LOXL2: variants seen among roughly 807,000 people sequenced by gnomAD.
LOXL2 encodes the protein lysyl oxidase like 2.
A neutral mutation model predicts 93.0 loss-of-function variants in LOXL2; 70 were observed. The ratio of observed to expected loss-of-function variants is 0.75; its 90% CI spans 0.62 to 0.92. The LOEUF is 0.92. Among genes scored for constraint, LOXL2 ranks in the 40% least tolerant of loss-of-function variants. LOXL2 has a pLI of 0.00. For missense variants in LOXL2, 973 were observed against 1,054.9 expected (o/e 0.92, Z 1.08); for synonymous variants, 438 against 413.2 (o/e 1.06, Z -0.73).
At chr8:23,348,543 G>C (rs1261399469) in intron 3 of LOXL2, among the ~76,000 whole-genome samples, 1 of 152,108 alleles carries the variant, frequency 6.6e-6, no homozygotes, top group Non-Finnish European at 1.5e-5. Flanking sequence ...ACTCCAGCCT[G>C]GGTGACAGAG....
At chr8:23,357,594 G>A (rs1468046402) in intron 3 of LOXL2, among the ~76,000 whole-genome samples, 1 of 150,540 alleles carries the variant, frequency 6.6e-6, no homozygotes, top group African/African-American at 2.4e-5. Flanking sequence ...TGGCAGATGA[G>A]CCTTCTCATC....
At chr8:23,400,132 C>T (rs549884681) in intron 1 of LOXL2, among the ~76,000 whole-genome samples, 1 of 152,320 alleles carries the variant, frequency 6.6e-6, no homozygotes, top group East Asian at 1.9e-4. Context: ...GAAATTTCTT[C>T]TTCGCTCCAT....
Position 23,301,454 on chromosome 8 carries a change from C to T in LOXL2, c.2133+573G>A, listed in dbSNP as rs147669930. Among the ~76,000 whole-genome samples the T allele has an allele frequency of 2.5e-3, 374 of 152,300 alleles. 1 individual carries two copies. The highest frequency in any genetic ancestry group is 0.01 in the Middle Eastern group (3 of 294). On this transcript the variant is annotated intron_variant, in intron 12 of 13. Transcript: ENST00000389131. ...GCAACCCCTCTGACAAAGAAGTCAC[C>T]TGGCCAGGCTGTGTCTCGTGTTCAG...
chr8:23,392,583 G>C (rs1804861543), intron 1 of LOXL2, among the ~76,000 whole-genome samples: 1 of 152,166 alleles, frequency 6.6e-6, no homozygotes, highest in African/African-American at 2.4e-5. Context: ...TCTCCAGACT[G>C]GCATGGCTCC....
chr8:23,352,537 C>T (rs1804111331), intron 3 of LOXL2, among the ~76,000 whole-genome samples: 2 of 152,130 alleles, frequency 1.3e-5, no homozygotes, highest in African/African-American at 4.8e-5. Flanking sequence ...CCCTTTTAGG[C>T]TGAAGCCCTC....
chr8:23,300,870 C>T (rs2117137172), intron 12 of LOXL2, among the ~76,000 whole-genome samples: 1 of 152,306 alleles, frequency 6.6e-6, no homozygotes, highest in South Asian at 2.1e-4. Context: ...AAACAGAAAC[C>T]ACCAGGCACT....
At chr8:23,344,333 C>T (rs73224460) in intron 3 of LOXL2, among the ~76,000 whole-genome samples, 26,035 of 151,836 alleles carry the variant, frequency 0.17, 2,379 homozygotes, top group South Asian at 0.24. Context: ...TCACTGCATA[C>T]GTGTTTATGC....
intron 1 of LOXL2, among the ~76,000 whole-genome samples, chr8:23,392,574 C>T (rs987328263): frequency 2.6e-5 from 4 of 152,198 alleles, no homozygotes; most frequent in African/African-American, 9.7e-5. Flanking sequence ...CTTACTCCAT[C>T]TCCAGACTGG....
In LOXL2 at chr8:23,368,237, GC is replaced by G; in HGVS notation, c.114del (p.Gln38HisfsTer86). The G allele has an allele frequency of 6.2e-7, 1 of 1,613,990 alleles. No homozygotes were observed. The highest frequency in any genetic ancestry group is 1.1e-5 in the South Asian group (1 of 91,086). On this transcript the variant is annotated frameshift_variant, in exon 2 of 14. Transcript: ENST00000389131. LOFTEE classifies it high-confidence loss of function. ...DSWPHYPEYF[Q>X]QPAPEYHQPQ... Reference sequence around the variant, plus strand: ...GGCTGGTGATACTCAGGAGCCGGTTGCTGGAAGTACTCGGGGTAATGGGGCC... The same window carrying G: ...GGCTGGTGATACTCAGGAGCCGGTTGTGGAAGTACTCGGGGTAATGGGGCC...
intron 3 of LOXL2, among the ~76,000 whole-genome samples, chr8:23,346,657 G>C (rs1803993589): frequency 1.3e-5 from 2 of 152,208 alleles, no homozygotes; most frequent in Admixed American, 6.5e-5. Flanking sequence ...GCTGGAAGTT[G>C]CATCAGGGAA....
intron 3 of LOXL2, among the ~76,000 whole-genome samples, chr8:23,349,461 C>T (rs1434407351): frequency 5.3e-5 from 8 of 152,114 alleles, no homozygotes; most frequent in Non-Finnish European, 1.2e-4. Context: ...CTGTGTGAGA[C>T]CCTAAAAGGA....
intron 2 of LOXL2, chr8:23,364,370 T>C (rs934776243): frequency 1.3e-5 from 2 of 152,220 alleles, no homozygotes; most frequent in Non-Finnish European, 2.9e-5. Context: ...AAGAAAGCCA[T>C]TCAATCAGAA....
At chr8:23,385,116 T>C (rs1804739349) in intron 1 of LOXL2, among the ~76,000 whole-genome samples, 1 of 150,728 alleles carries the variant, frequency 6.6e-6, no homozygotes, top group African/African-American at 2.4e-5. Flanking sequence ...TTTATGTATT[T>C]ATTTACCACT....
At chr8:23,384,117 T>C (rs1804722069) in intron 1 of LOXL2, among the ~76,000 whole-genome samples, 2 of 152,210 alleles carry the variant, frequency 1.3e-5, no homozygotes, top group Admixed American at 6.5e-5. Flanking sequence ...GTAAAGGCAG[T>C]AGGCAAATGT....
chr8:23,378,634 C>T (rs946782570), intron 1 of LOXL2, among the ~76,000 whole-genome samples: 6 of 152,168 alleles, frequency 3.9e-5, no homozygotes, highest in South Asian at 2.1e-4. Context: ...AGGCTTTGTT[C>T]GTTTCTTTTT....
chr8:23,333,072 G>T (rs181511360), intron 5 of LOXL2, among the ~76,000 whole-genome samples: 11 of 152,274 alleles, frequency 7.2e-5, no homozygotes, highest in African/African-American at 2.4e-4. Context: ...CTGACTGCAT[G>T]TGCTTTTCAG....
intron 4 of LOXL2, among the ~76,000 whole-genome samples, chr8:23,338,657 G>C (rs2117178497): frequency 6.6e-6 from 1 of 152,366 alleles, no homozygotes; most frequent in East Asian, 1.9e-4. Flanking sequence ...TGTAGGAAGA[G>C]GGAAAGGGAC....
intron 6 of LOXL2, among the ~76,000 whole-genome samples, chr8:23,322,984 G>A (rs1032118185): frequency 3.0e-4 from 46 of 152,220 alleles, no homozygotes; most frequent in African/African-American, 1.1e-3. Context: ...AGGTGCTCTG[G>A]GGCTTAAAGG....
In LOXL2 at chr8:23,309,278, A is replaced by C. The variant is rs1363436213; in HGVS notation, c.1880+390T>G. The stretch of plus-strand genomic sequence containing the variant: ...GATTACAGGCGTGAGCCACCGCGCC[A>C]GGCTGGGAATATTTCTAAAGGAATT... On this transcript the variant is annotated intron_variant, in intron 10 of 13. Coordinates refer to ENST00000389131, the MANE Select transcript of LOXL2 (RefSeq NM_002318.3). Among the ~76,000 whole-genome samples the C allele has an allele frequency of 3.3e-5, 5 of 152,270 alleles. No homozygotes were observed. In the South Asian group the frequency reaches 6.2e-4, roughly 19 times the overall value.
Sources: allele counts gnomAD v4.1 joint callset (sites outside exome capture counted in the v4.1 genomes callset), GRCh38; gene constraint gnomAD v4.1.1; transcripts MANE v1.5; gene names NCBI Gene and HGNC (gene_info 2026-07-23, HGNC 2026-07-21).